The following PARD3 variants were observed in gnomAD, a reference collection of about 807,000 sequenced individuals.
The protein encoded by PARD3 is partitioning defective 3 homolog.
A neutral mutation model predicts 155.4 loss-of-function variants in PARD3; 75 were observed. The observed-to-expected ratio is 0.48, with a 90% CI of 0.40 to 0.58. The LOEUF is 0.58. Among genes scored for constraint, PARD3 ranks in the 20% least tolerant of loss-of-function variants. The probability of loss-of-function intolerance (pLI) is 0.00; values close to 1 mark genes in which losing one functional copy is unlikely to be tolerated. For missense variants in PARD3, 1,642 were observed against 1,721.7 expected (o/e 0.95, Z 0.82); for synonymous variants, 576 against 610.5 (o/e 0.94, Z 0.83).
chr10:34,501,584 T>C (rs997939486), intron 3 of PARD3, among the ~76,000 whole-genome samples: 1 of 152,160 alleles, frequency 6.6e-6, no homozygotes, highest in African/African-American at 2.4e-5. Context: ...ATCAAAATGA[T>C]CAGCCCATTA....
At chr10:34,785,950 C>T (rs569885967) in intron 1 of PARD3, among the ~76,000 whole-genome samples, 14 of 152,146 alleles carry the variant, frequency 9.2e-5, no homozygotes, top group East Asian at 5.8e-4. Flanking sequence ...GATGTAGTTA[C>T]GTGTCATCTC....
At chr10:34,179,579 A>C (rs1234382238) in intron 22 of PARD3, among the ~76,000 whole-genome samples, 4 of 152,260 alleles carry the variant, frequency 2.6e-5, no homozygotes, top group Non-Finnish European at 5.9e-5. Flanking sequence ...CGCTAAAAAG[A>C]AACTCAGAAC....
At chr10:34,566,233 G>A (rs1251986890) in intron 2 of PARD3, among the ~76,000 whole-genome samples, 1 of 152,216 alleles carries the variant, frequency 6.6e-6, no homozygotes, top group African/African-American at 2.4e-5. Flanking sequence ...TCCTGAAAGG[G>A]ATGTGAAAAC....
rs78031119 is a variant in PARD3, at chr10:34,241,464, A to C, written c.3419+28193T>G. Among the ~76,000 whole-genome samples the C allele has an allele frequency of 8.5e-4, 130 of 152,302 alleles. 2 individuals carry two copies. In the East Asian group the frequency reaches 0.02, roughly 23 times the overall value. On this transcript the variant is annotated intron_variant, in intron 22 of 24. Transcript: ENST00000374788. Reference sequence around the variant, plus strand: ...AGCAGCGGGAGGGCACAGGGTGTCTAGTGTTCACAGAAGTGAAAAAGCAAA... The same window carrying C: ...AGCAGCGGGAGGGCACAGGGTGTCTCGTGTTCACAGAAGTGAAAAAGCAAA...
At chr10:34,525,447 T>G (rs1478326036) in intron 2 of PARD3, among the ~76,000 whole-genome samples, 1 of 152,206 alleles carries the variant, frequency 6.6e-6, no homozygotes, top group African/African-American at 2.4e-5. Context: ...CGTCTCAGGC[T>G]CTAGCCCCAT....
intron 1 of PARD3, among the ~76,000 whole-genome samples, chr10:34,755,135 C>T (rs1836544300): frequency 6.6e-6 from 1 of 151,430 alleles, no homozygotes; most frequent in Non-Finnish European, 1.5e-5. Flanking sequence ...GGCGCGGTGG[C>T]TCATGCCTGT....
In PARD3 at chr10:34,606,005, A is replaced by C. The variant is rs1431326006; in HGVS notation, c.223-88846T>G. 2.5e-3 allele frequency among the ~76,000 whole-genome samples: 186 copies of C among 74,282 alleles called. 5 individuals are homozygous for C. The highest frequency in any genetic ancestry group is 3.8e-3 in the Admixed American group (23 of 6,126). The allele number at this position is 74,282 out of a possible 152,430, so 48.7% of individuals were successfully genotyped here. A position where few individuals can be genotyped will look rare whatever the true frequency, so the allele number is the denominator to read the frequency against. On this transcript the variant is annotated intron_variant, in intron 2 of 24. Transcript: ENST00000374788. ...CTATATATATATATCTCCTATATATATATATCTCCTATATCTATATCTCCT... is the reference window on the plus strand; with the variant it reads ...CTATATATATATATCTCCTATATATCTATATCTCCTATATCTATATCTCCT...
rs563058482 is a variant in PARD3, at chr10:34,579,656, C to T, written c.223-62497G>A. On this transcript the variant is annotated intron_variant, in intron 2 of 24. Coordinates refer to ENST00000374788, the MANE Select transcript of PARD3 (RefSeq NM_001184785.2). ...AGTGCAGTGGCATGATTTTGGCTCACTGCAACCTCCGCCTCCCAGGTTCAA... is the reference window on the plus strand; with the variant it reads ...AGTGCAGTGGCATGATTTTGGCTCATTGCAACCTCCGCCTCCCAGGTTCAA... Among the ~76,000 whole-genome samples the T allele has an allele frequency of 4.7e-4, 71 of 151,326 alleles. No homozygotes were observed. In the South Asian group the frequency reaches 0.015, roughly 31 times the overall value.
chr10:34,415,121 A>G (rs1454947742), intron 5 of PARD3, among the ~76,000 whole-genome samples: 1 of 152,218 alleles, frequency 6.6e-6, no homozygotes, highest in Admixed American at 6.5e-5. Flanking sequence ...AACTGGTATG[A>G]AGAAATCAGA....
At chr10:34,703,192 G>C (rs2094310041) in intron 1 of PARD3, among the ~76,000 whole-genome samples, 1 of 151,926 alleles carries the variant, frequency 6.6e-6, no homozygotes, top group South Asian at 2.1e-4. Flanking sequence ...AGGCCAGCCT[G>C]GGCAACACAG....
chr10:34,491,999 T>A (rs1433092199), intron 3 of PARD3, among the ~76,000 whole-genome samples: 1 of 152,158 alleles, frequency 6.6e-6, no homozygotes, highest in South Asian at 2.1e-4. Flanking sequence ...ACAACAATAT[T>A]GAAAATCATT....
At chr10:34,352,122 T>C (rs1267046548) in intron 14 of PARD3, among the ~76,000 whole-genome samples, 1 of 152,236 alleles carries the variant, frequency 6.6e-6, no homozygotes, top group Non-Finnish European at 1.5e-5. Context: ...CTAACATGGA[T>C]ATAATAAAAT....
At chr10:34,703,255 G>A (rs1384799160) in intron 1 of PARD3, among the ~76,000 whole-genome samples, 1 of 151,682 alleles carries the variant, frequency 6.6e-6, no homozygotes, top group Non-Finnish European at 1.5e-5. Context: ...CAGGTGTGGT[G>A]GCATGCACCC....
intron 3 of PARD3, among the ~76,000 whole-genome samples, chr10:34,490,538 C>A (rs2079825987): frequency 1.3e-5 from 2 of 152,174 alleles, no homozygotes; most frequent in Non-Finnish European, 2.9e-5. Flanking sequence ...ATGTCACTAA[C>A]ATCTTTGCCT....
chr10:34,267,100 C>T (rs920285047), intron 22 of PARD3, among the ~76,000 whole-genome samples: 17 of 147,560 alleles, frequency 1.2e-4, no homozygotes, highest in African/African-American at 3.8e-4. Context: ...CTTTTATCAA[C>T]GATCAATAAT....
At chr10:34,717,879 C>T (rs1308898262) in intron 1 of PARD3, among the ~76,000 whole-genome samples, 3 of 152,042 alleles carry the variant, frequency 2.0e-5, no homozygotes, top group Non-Finnish European at 4.4e-5. Flanking sequence ...CGGGGCCAAG[C>T]GTGGTGGCTC....
intron 1 of PARD3, among the ~76,000 whole-genome samples, chr10:34,759,380 T>TG (rs2134004891): frequency 6.6e-6 from 1 of 152,274 alleles, no homozygotes; most frequent in South Asian, 2.1e-4. Context: ...ACTGTGCTCT[T>TG]GAGAACTGTT....
chr10:34,327,856 CCT>C (rs1331501433), intron 19 of PARD3, among the ~76,000 whole-genome samples: 1 of 152,116 alleles, frequency 6.6e-6, no homozygotes. Context: ...ACCCACTTCC[CCT>C]GAGGCCCACT....
At chr10:34,296,613 C>A (rs777164565) in intron 20 of PARD3, among the ~76,000 whole-genome samples, 1 of 152,082 alleles carries the variant, frequency 6.6e-6, no homozygotes, top group Admixed American at 6.6e-5. Context: ...CTATAAAATA[C>A]GTGGATGTGG....
Sources: allele counts gnomAD v4.1 joint callset (sites outside exome capture counted in the v4.1 genomes callset), GRCh38; gene constraint gnomAD v4.1.1; transcripts MANE v1.5; gene names NCBI Gene and HGNC (gene_info 2026-07-23, HGNC 2026-07-21).